The following EXOC4 variants were observed in gnomAD, a reference collection of about 807,000 sequenced individuals.
EXOC4 encodes the protein exocyst complex component 4, also known as SEC8-like 1.
A neutral mutation model predicts 107.2 loss-of-function variants in EXOC4; 71 were observed. The observed-to-expected ratio is 0.66, with a 90% CI of 0.55 to 0.81. The LOEUF (loss-of-function observed/expected upper bound fraction) is 0.81. Ranked by LOEUF, EXOC4 falls within the 30% of genes least tolerant of loss-of-function variation. The pLI is 0.00. For missense variants in EXOC4, 1,108 were observed against 1,189.6 expected (o/e 0.93, Z 1.01); for synonymous variants, 456 against 441.2 (o/e 1.03, Z -0.42).
chr7:133,637,895 A>G (rs1802751717), intron 10 of EXOC4, among the ~76,000 whole-genome samples: 1 of 152,176 alleles, frequency 6.6e-6, no homozygotes, highest in African/African-American at 2.4e-5. Flanking sequence ...GCGGTTTTAT[A>G]CTACTGAATA....
At chr7:133,558,740 C>T (rs1375430704) in intron 9 of EXOC4, among the ~76,000 whole-genome samples, 2 of 151,918 alleles carry the variant, frequency 1.3e-5, no homozygotes, top group Non-Finnish European at 2.9e-5. Context: ...CATGGAGTCC[C>T]GATCATCTTA....
At chr7:133,432,174 C>T (rs923999546) in intron 7 of EXOC4, among the ~76,000 whole-genome samples, 12 of 151,176 alleles carry the variant, frequency 7.9e-5, no homozygotes, top group Non-Finnish European at 1.6e-4. Context: ...TCTTTTGGTT[C>T]AGGTAAAAAA....
intron 5 of EXOC4, among the ~76,000 whole-genome samples, chr7:133,355,629 T>C (rs1034138417): frequency 6.6e-6 from 1 of 152,066 alleles, no homozygotes; most frequent in African/African-American, 2.4e-5. Flanking sequence ...AATGCTGTAT[T>C]CTAAAGATCT....
At chr7:133,683,420 A>C (rs1794229706) in intron 10 of EXOC4, among the ~76,000 whole-genome samples, 1 of 152,166 alleles carries the variant, frequency 6.6e-6, no homozygotes, top group African/African-American at 2.4e-5. Context: ...GGGGCTCAGA[A>C]TCTAACATAT....
chr7:133,484,841 G>T (rs1366581212), intron 9 of EXOC4, among the ~76,000 whole-genome samples: 2 of 151,940 alleles, frequency 1.3e-5, no homozygotes, highest in African/African-American at 4.8e-5. Flanking sequence ...CACTTTGGGA[G>T]GCCTGAGGTG....
intron 14 of EXOC4, among the ~76,000 whole-genome samples, chr7:133,947,941 G>C (rs578182778): frequency 1.4e-4 from 21 of 152,168 alleles, no homozygotes; most frequent in Non-Finnish European, 1.5e-4. Context: ...AAAGAGGAGA[G>C]ACAGAAGGAG....
chr7:133,608,235 C>T (rs1038637486), intron 9 of EXOC4, among the ~76,000 whole-genome samples: 1 of 152,038 alleles, frequency 6.6e-6, no homozygotes, highest in African/African-American at 2.4e-5. Context: ...CTTGAAAAAA[C>T]AGGATGAGGA....
intron 17 of EXOC4, among the ~76,000 whole-genome samples, chr7:134,031,512 T>A (rs1563098150): frequency 6.6e-6 from 1 of 152,166 alleles, no homozygotes; most frequent in South Asian, 2.1e-4. Flanking sequence ...TCATCACTGT[T>A]GTTATTAAGA....
intron 9 of EXOC4, chr7:133,484,023 T>G: frequency 6.2e-7 from 1 of 1,613,962 alleles, no homozygotes. Flanking sequence ...ATACGTCAAC[T>G]TTTCCTTCCG....
chr7:133,425,578 C>T (rs949680449), intron 7 of EXOC4, among the ~76,000 whole-genome samples: 2 of 152,296 alleles, frequency 1.3e-5, no homozygotes, highest in Admixed American at 6.5e-5. Flanking sequence ...TGAGCCACCA[C>T]GTCTGGCTCA....
chr7:133,995,560 A>T (rs749855877), intron 14 of EXOC4, among the ~76,000 whole-genome samples: 1 of 152,224 alleles, frequency 6.6e-6, no homozygotes, highest in Non-Finnish European at 1.5e-5. Flanking sequence ...ATTAATGCTA[A>T]CGTTAGAGAG....
At chr7:134,032,311 C>A (rs1212464934) in intron 17 of EXOC4, among the ~76,000 whole-genome samples, 1 of 152,218 alleles carries the variant, frequency 6.6e-6, no homozygotes, top group East Asian at 1.9e-4. Flanking sequence ...TCGCTGATGT[C>A]ACTGTCCAGT....
At chr7:133,619,984 C>CTGTGTGTGTGTGTG (rs34442997) in intron 9 of EXOC4, among the ~76,000 whole-genome samples, 2 of 149,460 alleles carry the variant, frequency 1.3e-5, no homozygotes, top group Admixed American at 6.7e-5. Context: ...TCCCTGTTTT[C>CTGTGTGTGTGTGTG]TGTGTGTGTG....
rs372523748 is a variant in EXOC4, at chr7:134,061,363, C to T, written c.2688-2928C>T. On this transcript the variant is annotated intron_variant, in intron 17 of 17. Transcript: ENST00000253861. ...ATTGCTTCTGTAGCCTTCTCTGATG[C>T]GTTTAGGTCCTTGGTTGAAGGAGAC... 8.0e-4 allele frequency among the ~76,000 whole-genome samples: 122 copies of T among 152,286 alleles called. No homozygotes were observed. The Middle Eastern group carries it at 0.01, about 13-fold the overall frequency.
At chr7:134,031,013 A>G (rs1795258608) in intron 17 of EXOC4, among the ~76,000 whole-genome samples, 1 of 152,202 alleles carries the variant, frequency 6.6e-6, no homozygotes, top group African/African-American at 2.4e-5. Context: ...AAGCCAGTCA[A>G]AAGAAACCAC....
At chr7:133,930,899 A>G (rs994924760) in intron 13 of EXOC4, among the ~76,000 whole-genome samples, 3 of 151,896 alleles carry the variant, frequency 2.0e-5, no homozygotes, top group Admixed American at 6.6e-5. Context: ...ATCACCTAGT[A>G]TATTTCTACC....
intron 7 of EXOC4, among the ~76,000 whole-genome samples, chr7:133,422,661 A>G (rs1287768774): frequency 6.6e-6 from 1 of 152,230 alleles, no homozygotes; most frequent in African/African-American, 2.4e-5. Context: ...GAGCTCTTCA[A>G]AATGACCCAG....
intron 10 of EXOC4, among the ~76,000 whole-genome samples, chr7:133,756,573 G>A (rs1419742707): frequency 6.6e-6 from 1 of 152,090 alleles, no homozygotes; most frequent in Non-Finnish European, 1.5e-5. Flanking sequence ...TGAAAGTTTT[G>A]AATCCTCCTC....
At chr7:133,410,079 C>T (rs1045723462) in intron 7 of EXOC4, among the ~76,000 whole-genome samples, 13 of 152,142 alleles carry the variant, frequency 8.5e-5, no homozygotes, top group Admixed American at 5.2e-4. Context: ...CCAGGCCTCC[C>T]TGCTTATCAT....
Sources: allele counts gnomAD v4.1 joint callset (sites outside exome capture counted in the v4.1 genomes callset), GRCh38; gene constraint gnomAD v4.1.1; transcripts MANE v1.5; gene names NCBI Gene and HGNC (gene_info 2026-07-23, HGNC 2026-07-21).